OPHN1: variants seen among roughly 807,000 people sequenced by gnomAD.
The protein encoded by OPHN1 is oligophrenin 1.
Under a neutral mutation model 60.7 loss-of-function variants are expected in OPHN1, and 11 were observed. The ratio of observed to expected loss-of-function variants is 0.18; its 90% CI spans 0.11 to 0.30. OPHN1 has a LOEUF of 0.30. OPHN1 is among the 10% of genes least tolerant of loss of function. The probability of loss-of-function intolerance (pLI) is 1.00; values close to 1 mark genes in which losing one functional copy is unlikely to be tolerated. For synonymous variants in OPHN1, 226 were observed against 222.6 expected (o/e 1.02, Z -0.14); for missense variants, 449 against 611.0 (o/e 0.73, Z 2.80).
intron 18 of OPHN1, 113 bp from the exon 19 acceptor site, chrX:68,097,142 A>C: frequency 1.5e-6 from 1 of 653,291 alleles, no homozygotes; most frequent in Non-Finnish European, 2.2e-6. Flanking sequence ...GAAGGAAAGG[A>C]GCACCTAAAG....
chrX:68,169,651 G>A (rs926784011), intron 15 of OPHN1, among the ~76,000 whole-genome samples: 4 of 109,799 alleles, frequency 3.6e-5, no homozygotes, highest in Admixed American at 1.9e-4. Flanking sequence ...TCTGATCTTT[G>A]ACAAACCTCA....
intron 2 of OPHN1, among the ~76,000 whole-genome samples, chrX:68,392,233 G>T (rs2078657168): frequency 9.0e-6 from 1 of 111,072 alleles, no homozygotes; most frequent in African/African-American, 3.3e-5. Context: ...TTAATGAATA[G>T]TAAATATATT....
At chrX:68,359,631 C>T (rs1395970285) in intron 2 of OPHN1, among the ~76,000 whole-genome samples, 1 of 109,732 alleles carries the variant, frequency 9.1e-6, no homozygotes, top group African/African-American at 3.3e-5. Context: ...TCAAGGTGGG[C>T]GGATCACGAG....
intron 5 of OPHN1, among the ~76,000 whole-genome samples, chrX:68,237,061 C>T (rs1233957118): frequency 8.9e-6 from 1 of 112,120 alleles, no homozygotes; most frequent in Non-Finnish European, 1.9e-5. Flanking sequence ...TCTCGGCTCA[C>T]AGCAACCTCC....
intron 2 of OPHN1, among the ~76,000 whole-genome samples, chrX:68,343,024 G>A (rs187881218): frequency 2.9e-4 from 32 of 111,544 alleles, no homozygotes; most frequent in African/African-American, 9.7e-4. Context: ...TGTAATCCCA[G>A]CACTTTGGGA....
chrX:68,218,543 C>T (rs1483132594), intron 6 of OPHN1, among the ~76,000 whole-genome samples: 2 of 110,252 alleles, frequency 1.8e-5, no homozygotes, highest in Non-Finnish European at 3.8e-5. Context: ...GGTCGGGTTA[C>T]CCTCAAAGGG....
chrX:68,263,793 A>G (rs903478072), intron 5 of OPHN1, among the ~76,000 whole-genome samples: 21 of 112,011 alleles, frequency 1.9e-4, no homozygotes, highest in African/African-American at 6.5e-4. Flanking sequence ...ACGTAATTTT[A>G]AAATGTTTAG....
chrX:68,370,888 G>T (rs1006047189), intron 2 of OPHN1, among the ~76,000 whole-genome samples: 3 of 110,396 alleles, frequency 2.7e-5, no homozygotes, highest in African/African-American at 9.9e-5. Flanking sequence ...AAAGAAGAAG[G>T]GACTCAAAAC....
At chrX:68,307,894 G>A (rs776665758) in intron 2 of OPHN1, among the ~76,000 whole-genome samples, 87 of 111,776 alleles carry the variant, frequency 7.8e-4, no homozygotes, top group Non-Finnish European at 1.5e-3. Context: ...AAAAATGCCC[G>A]AGGGATTCCT....
intron 19 of OPHN1, among the ~76,000 whole-genome samples, chrX:68,076,797 A>G (rs1254791514): frequency 8.9e-6 from 1 of 111,867 alleles, no homozygotes; most frequent in Non-Finnish European, 1.9e-5. Context: ...TTTGGTATAT[A>G]TGATGGAATA....
chrX:68,365,447 A>T (rs1242864393), intron 2 of OPHN1, among the ~76,000 whole-genome samples: 1 of 111,553 alleles, frequency 9.0e-6, no homozygotes, highest in African/African-American at 3.3e-5. Flanking sequence ...AACATCAACA[A>T]GAGCAAAAGT....
intron 2 of OPHN1, among the ~76,000 whole-genome samples, chrX:68,405,296 T>G (rs751328874): frequency 1.3e-4 from 15 of 111,546 alleles, no homozygotes; most frequent in Non-Finnish European, 2.4e-4. Context: ...TTCAAACACC[T>G]GGGCTCAAGT....
At chrX:68,382,699 A>G (rs2078603502) in intron 2 of OPHN1, among the ~76,000 whole-genome samples, 2 of 111,807 alleles carry the variant, frequency 1.8e-5, no homozygotes, top group African/African-American at 6.5e-5. Context: ...GATTGTGGTG[A>G]TGGTTGCACA....
chrX:68,258,413 A>AACCCCCT (rs1555962020), intron 5 of OPHN1, among the ~76,000 whole-genome samples: 1 of 26,023 alleles, frequency 3.8e-5, no homozygotes, highest in Admixed American at 6.1e-4. Context: ...CCCCTCCTCC[A>AACCCCCT]ACCCCCCACC....
At chrX:68,268,093 C>CTACAGAATACAGAGG (rs961602413) in intron 5 of OPHN1, among the ~76,000 whole-genome samples, 63 of 111,286 alleles carry the variant, frequency 5.7e-4, no homozygotes, top group African/African-American at 2.0e-3. Context: ...CAGCCGAATT[C>CTACAGAATACAGAGG]TACAGAATAC....
intron 6 of OPHN1, among the ~76,000 whole-genome samples, chrX:68,222,352 A>C (rs1372226916): frequency 2.0e-4 from 22 of 108,319 alleles, no homozygotes; most frequent in African/African-American, 6.7e-4. Flanking sequence ...TAGTTCAACC[A>C]TTGTGGAAGT....
chrX:68,349,675 T>G (rs1230141051), intron 2 of OPHN1, among the ~76,000 whole-genome samples: 2 of 111,769 alleles, frequency 1.8e-5, no homozygotes, highest in Non-Finnish European at 3.8e-5. Flanking sequence ...CCATCAATGA[T>G]AGACTGGATG....
intron 5 of OPHN1, among the ~76,000 whole-genome samples, chrX:68,245,785 A>C (rs2077802870): frequency 8.9e-6 from 1 of 112,011 alleles, no homozygotes; most frequent in Non-Finnish European, 1.9e-5. Flanking sequence ...GGTTATGGAA[A>C]ATCTTTATTT....
chrX:68,064,446 T>C (rs2147360738), intron 20 of OPHN1, among the ~76,000 whole-genome samples: 1 of 111,565 alleles, frequency 9.0e-6, no homozygotes, highest in Non-Finnish European at 1.9e-5. Flanking sequence ...ACCAAGAGGT[T>C]TTATTAAAGG....
Sources: gnomAD v4.1 joint callset for allele counts (sites outside exome capture counted in the v4.1 genomes callset) on GRCh38, gnomAD v4.1.1 for gene constraint, MANE v1.5 for transcripts, NCBI Gene and HGNC (gene_info 2026-07-23, HGNC 2026-07-21) for gene names.